FBXO15: variants seen among roughly 807,000 people sequenced by gnomAD.
FBXO15 encodes the protein F-box only protein 15.
In FBXO15, 30 loss-of-function variants were observed where a neutral mutation model predicts 49.5. The ratio of observed to expected loss-of-function variants is 0.61; its 90% CI spans 0.45 to 0.82. FBXO15 has a LOEUF of 0.82. FBXO15 is among the 40% of genes least tolerant of loss of function. FBXO15 has a pLI of 0.00. For synonymous variants in FBXO15, 250 were observed against 232.7 expected, an observed-to-expected ratio of 1.07 and a Z score of -0.68; for missense variants, 591 against 631.5, an observed-to-expected ratio of 0.94 and a Z score of 0.69.
At chr18:74,103,149 G>C (rs1913599485) in intron 8 of FBXO15, among the ~76,000 whole-genome samples, 1 of 151,934 alleles carries the variant, frequency 6.6e-6, no homozygotes, top group Non-Finnish European at 1.5e-5. Context: ...AAATGTATCA[G>C]AGAAATTTAG....
chr18:74,095,332 A>G (rs972534518), intron 8 of FBXO15, among the ~76,000 whole-genome samples: 54 of 152,202 alleles, frequency 3.5e-4, no homozygotes, highest in African/African-American at 1.3e-3. Context: ...GGCTTTTAAC[A>G]TGCCTTCCTC....
chr18:74,121,769 G>A (rs1914481002), intron 8 of FBXO15, among the ~76,000 whole-genome samples: 1 of 152,124 alleles, frequency 6.6e-6, no homozygotes, highest in Non-Finnish European at 1.5e-5. Flanking sequence ...TTAAACAAGG[G>A]TGGGGGCGAG....
At chr18:74,096,657 A>G (rs924257209) in intron 8 of FBXO15, among the ~76,000 whole-genome samples, 1 of 152,022 alleles carries the variant, frequency 6.6e-6, no homozygotes, top group East Asian at 1.9e-4. Context: ...AAAAAAAAAA[A>G]ACACAAAAAA....
intron 6 of FBXO15, 96 bp from the exon 7 acceptor site, chr18:74,124,667 T>A: frequency 9.9e-7 from 1 of 1,013,270 alleles, no homozygotes; most frequent in Non-Finnish European, 1.6e-6. Flanking sequence ...ATCTTGCAGA[T>A]AGAGGCACTT....
chr18:74,105,535 G>T (rs140883515), intron 8 of FBXO15, among the ~76,000 whole-genome samples: 5 of 151,926 alleles, frequency 3.3e-5, no homozygotes, highest in African/African-American at 9.7e-5. Flanking sequence ...TGCCTCCCAG[G>T]TTCAAACGAT....
rs1437385815 is a variant in FBXO15 at position 74,147,800 on chromosome 18, C to T, written c.-15G>A. 1 of 1,510,992 alleles carries T rather than the reference C, an allele frequency of 6.6e-7. No homozygotes were observed. The highest frequency in any genetic ancestry group is 8.8e-7 in the Non-Finnish European group (1 of 1,132,448). The allele number at this position is 1,510,992 out of a possible 1,614,324, so 93.6% of individuals were successfully genotyped here. On this transcript the variant is annotated 5_prime_UTR_variant, in exon 1 of 10. Transcript: ENST00000419743. ...CCAGTCGCCATAGAGACAAGGAGTT[C>T]ACCACAGGACCGCGCCAGGGCTGAA...
chr18:74,135,685 G>A (rs1277091641), intron 3 of FBXO15, 77 bp downstream of exon 3: 4 of 1,110,914 alleles, frequency 3.6e-6, no homozygotes, highest in Non-Finnish European at 5.3e-6. Context: ...TCTTAAAAAT[G>A]GTTAAAAAGT....
intron 8 of FBXO15, among the ~76,000 whole-genome samples, chr18:74,088,018 T>C (rs1465895187): frequency 6.6e-6 from 1 of 152,224 alleles, no homozygotes; most frequent in Non-Finnish European, 1.5e-5. Flanking sequence ...CGTCTTCTTT[T>C]GAAAATTGTC....
chr18:74,119,394 C>A (rs1296644815), intron 8 of FBXO15, among the ~76,000 whole-genome samples: 1 of 152,120 alleles, frequency 6.6e-6, no homozygotes, highest in Non-Finnish European at 1.5e-5. Flanking sequence ...CCATGACAGT[C>A]CTGAACAAAA....
Position 74,141,461 on chromosome 18 carries a change from TCAC to T in FBXO15, c.117-1152_117-1150del, listed in dbSNP as rs1485900830. Reference sequence around the variant, plus strand: ...AGAGTACATTATGTATACGCTCAGTTCACCAACATCATTGCTTTGAATGTGTAC... The same window carrying T: ...AGAGTACATTATGTATACGCTCAGTTCAACATCATTGCTTTGAATGTGTAC... On this transcript the variant is annotated intron_variant, in intron 1 of 9. Coordinates refer to ENST00000419743, the MANE Select transcript of FBXO15 (RefSeq NM_001142958.2). 5.3e-5 allele frequency among the ~76,000 whole-genome samples: 8 copies of T among 152,314 alleles called. No homozygotes were observed. The East Asian group carries it at 1.4e-3, about 26-fold the overall frequency.
chr18:74,129,318 C>T, intron 5 of FBXO15, 87 bp downstream of exon 5: 1 of 1,162,874 alleles, frequency 8.6e-7, no homozygotes, highest in Non-Finnish European at 1.2e-6. Flanking sequence ...AAAAACGCTG[C>T]TCTTATTTTT....
chr18:74,108,756 A>G (rs1913882931), intron 8 of FBXO15, among the ~76,000 whole-genome samples: 2 of 152,216 alleles, frequency 1.3e-5, no homozygotes, highest in Non-Finnish European at 2.9e-5. Context: ...ACCTAAGTGT[A>G]TAATCTTCAA....
Position 74,074,321 on chromosome 18 carries a change from T to A in FBXO15, c.1264-591A>T, listed in dbSNP as rs1912164708. Reference sequence around the variant, plus strand: ...CCTGCTGTCTGCCTCTCCCTCTCACTCTCTCCCAAGTCTTCCAAGTCTCAC... The same window carrying A: ...CCTGCTGTCTGCCTCTCCCTCTCACACTCTCCCAAGTCTTCCAAGTCTCAC... On this transcript the variant is annotated intron_variant, in intron 9 of 9. Transcript: ENST00000419743. This position sits in a 1 kb window ranked among gnomAD's most constrained non-coding sequence, Gnocchi z 4.7. 6.6e-6 allele frequency among the ~76,000 whole-genome samples: 1 copy of A among 152,076 alleles called. No homozygotes were observed. The highest frequency in any genetic ancestry group is 2.1e-4 in the South Asian group (1 of 4,814).
Position 74,145,902 on chromosome 18 carries a change from T to C in FBXO15, c.116+1768A>G, listed in dbSNP as rs188711925. On this transcript the variant is annotated intron_variant, in intron 1 of 9. Coordinates refer to ENST00000419743, the MANE Select transcript of FBXO15 (RefSeq NM_001142958.2). The stretch of plus-strand genomic sequence containing the variant: ...CGTGAGCCACTGCACCCGGCCCCAA[T>C]TGCACATTTTTAAGGTCCACATAAT... Among the ~76,000 whole-genome samples the C allele has an allele frequency of 2.4e-3, 362 of 152,290 alleles. 2 individuals carry two copies. The highest frequency in any genetic ancestry group is 7.5e-3 in the African/African-American group (310 of 41,574).
rs576948291 is a variant in FBXO15, at chr18:74,087,601, A to G, written c.1139-5550T>C. Among the ~76,000 whole-genome samples the G allele has an allele frequency of 5.3e-5, 8 of 152,354 alleles. 1 individual carries two copies. The South Asian group carries it at 1.4e-3, about 28-fold the overall frequency. ...GCATGGTATACAAGTACCACATTTTATCCAGTCTACCACTGATGGGCATTT... is the reference window on the plus strand; with the variant it reads ...GCATGGTATACAAGTACCACATTTTGTCCAGTCTACCACTGATGGGCATTT... On this transcript the variant is annotated intron_variant, in intron 8 of 9. Coordinates refer to ENST00000419743, the MANE Select transcript of FBXO15 (RefSeq NM_001142958.2).
intron 8 of FBXO15, among the ~76,000 whole-genome samples, chr18:74,118,032 G>T (rs1484378521): frequency 6.0e-5 from 9 of 150,608 alleles, no homozygotes; most frequent in Admixed American, 5.3e-4. Flanking sequence ...TTTGAGACAG[G>T]GTCTTGCTCT....
chr18:74,101,989 T>C (rs888217854), intron 8 of FBXO15, among the ~76,000 whole-genome samples: 6 of 152,088 alleles, frequency 3.9e-5, no homozygotes, highest in African/African-American at 1.4e-4. Context: ...GACTTAAACC[T>C]AAGGCGTGAA....
rs189330648 is a variant in FBXO15, at chr18:74,136,038, G to A, written c.228-172C>T. ...CTTCAATTACTTTCTTTATTGAAAC[G>A]TTCTGGTTATTCTAATTCTCATGAC... On this transcript the variant is annotated intron_variant, in intron 2 of 9. Coordinates refer to ENST00000419743, the MANE Select transcript of FBXO15 (RefSeq NM_001142958.2). Among the ~76,000 whole-genome samples the A allele has an allele frequency of 9.2e-5, 14 of 152,286 alleles. No homozygotes were observed. The East Asian group carries it at 2.3e-3, about 25-fold the overall frequency.
chr18:74,075,123 G>T lies in FBXO15; in HGVS notation c.1264-1393C>A, dbSNP rs937539705. On this transcript the variant is annotated intron_variant, in intron 9 of 9. Transcript: ENST00000419743. The surrounding 1 kb of genome is among the most constrained non-coding windows in gnomAD (Gnocchi z 4.1). Reference sequence around the variant, plus strand: ...TGCACCATCCTCAGCTCGGCCTGACGGTCCCACCCTGGCTCTCTGGGTGGC... The same window carrying T: ...TGCACCATCCTCAGCTCGGCCTGACTGTCCCACCCTGGCTCTCTGGGTGGC... 6.6e-6 allele frequency among the ~76,000 whole-genome samples: 1 copy of T among 152,144 alleles called. No homozygotes were observed.
Sources: gnomAD v4.1 joint callset for allele counts (sites outside exome capture counted in the v4.1 genomes callset) on GRCh38, gnomAD v4.1.1 for gene constraint, Gnocchi (gnomAD v3.1) non-coding constraint, MANE v1.5 for transcripts, NCBI Gene and HGNC (gene_info 2026-07-23, HGNC 2026-07-21) for gene names.